The following CSNK1D variants were observed in gnomAD, a reference collection of about 807,000 sequenced individuals.
CSNK1D encodes casein kinase I isoform delta.
In CSNK1D, 16 loss-of-function variants were observed where a neutral mutation model predicts 46.6. The observed-to-expected ratio is 0.34, with a 90% confidence interval of 0.23 to 0.52. The LOEUF is 0.52. CSNK1D is among the 20% of genes least tolerant of loss of function. CSNK1D has a pLI of 0.95. For synonymous variants in CSNK1D, 276 were observed against 228.2 expected (o/e 1.21, Z -1.89); for missense variants, 398 against 578.4 (o/e 0.69, Z 3.20).
chr17:82,269,096 TAAAAAAAAAAA>T (rs766007194), intron 1 of CSNK1D, among the ~76,000 whole-genome samples: 7 of 105,380 alleles, frequency 6.6e-5, no homozygotes, highest in East Asian at 2.6e-4. Flanking sequence ...TACTTTGTCT[TAAAAAAAAAAA>T]AAAAAAAAAA....
chr17:82,272,502 A>G (rs1305460258), intron 1 of CSNK1D, among the ~76,000 whole-genome samples: 1 of 152,218 alleles, frequency 6.6e-6, no homozygotes, highest in Non-Finnish European at 1.5e-5. Context: ...AGTCTAAAGG[A>G]CACCTCATGA....
At position 82,249,898 on chromosome 17, in the gene CSNK1D, C is replaced by T; in HGVS notation, c.886-296G>A. On this transcript the variant is annotated intron_variant, in intron 6 of 8. Transcript: ENST00000314028. The surrounding 1 kb of genome is among the most constrained non-coding windows in gnomAD (Gnocchi z 6.7). ...CTTCCAAATGGGCAGCAGCTACCCC[C>T]TGCTGCTCTGTGAACATGCTCACTA... 7 of 1,366,358 alleles carry T rather than the reference C, an allele frequency of 5.1e-6. No individual in the cohort carries two copies. The highest frequency in any genetic ancestry group is 6.6e-6 in the Non-Finnish European group (7 of 1,055,430). 84.6% of individuals were successfully genotyped at this position (1,366,358 alleles called of 1,614,324 possible).
At chr17:82,253,430 T>C in intron 3 of CSNK1D, 186 bp from the exon 4 acceptor site, 1 of 632,274 alleles carries the variant, frequency 1.6e-6, no homozygotes, top group Non-Finnish European at 2.9e-6. Context: ...GCAGCAACCC[T>C]CCACACTCCA....
At position 82,249,659 on chromosome 17, in the gene CSNK1D, A is replaced by G; in HGVS notation, c.886-57T>C. 6.5e-7 allele frequency: 1 copy of G among 1,540,386 alleles called. No homozygotes were observed. The highest frequency in any genetic ancestry group is 1.4e-5 in the African/African-American group (1 of 73,618). ...ACCAGCTTTGGCAGAAAGCAACCCT[A>G]GGTCCTAGGCTGCCCCGGCCACGTG... is the stretch of plus-strand genomic sequence containing the variant. On this transcript the variant is annotated intron_variant, in intron 6 of 8. Coordinates refer to ENST00000314028, the MANE Select transcript of CSNK1D (RefSeq NM_001893.6). This position sits in a 1 kb window ranked among gnomAD's most constrained non-coding sequence, Gnocchi z 6.7.
chr17:82,243,773 G>A lies in CSNK1D; in HGVS notation c.*1008C>T, dbSNP rs1363136079. 1 of 985,354 alleles carries A rather than the reference G, an allele frequency of 1.0e-6. No homozygotes were observed. Among genetic ancestry groups the A allele is most frequent in the African/African-American group, 1.7e-5 (1 of 57,232 alleles). The allele number at this position is 985,354 out of a possible 1,614,324, so 61.0% of individuals were successfully genotyped here. A position where few individuals can be genotyped will look rare whatever the true frequency, so the allele number is the denominator to read the frequency against. ...GCCAATCCGCACAGGAGCATTGAGT[G>A]CTGAGAAAATGGACTGAGTGCAAAG... On this transcript the variant is annotated 3_prime_UTR_variant, in exon 9 of 9. Transcript: ENST00000314028.
chr17:82,246,107 A>G, intron 8 of CSNK1D: 5 of 1,560,344 alleles, frequency 3.2e-6, no homozygotes, highest in Non-Finnish European at 4.3e-6. Context: ...TGTCGGCTCC[A>G]TGTCCAGATG....
chr17:82,248,348 G>A lies in CSNK1D; in HGVS notation c.1197+527C>T. 1.0e-6 allele frequency: 1 copy of A among 999,800 alleles called. No individual in the cohort carries two copies. Among genetic ancestry groups the A allele is most frequent in the Non-Finnish European group, 1.2e-6 (1 of 837,656 alleles). The allele number at this position is 999,800 out of a possible 1,614,324, so 61.9% of individuals were successfully genotyped here. ...TGGCTAGGCCTGGGCTGCGCAACAG[G>A]GTACTTCTCGTCCAAGGGAAGACAG... On this transcript the variant is annotated intron_variant, in intron 8 of 8. Transcript: ENST00000314028. This position sits in a 1 kb window ranked among gnomAD's most constrained non-coding sequence, Gnocchi z 4.1.
In CSNK1D at chr17:82,242,713, T is replaced by C; in HGVS notation, c.*2068A>G. 1 of 985,426 alleles carries C rather than the reference T, an allele frequency of 1.0e-6. No individual in the cohort carries two copies. The highest frequency in any genetic ancestry group is 4.7e-5 in the South Asian group (1 of 21,294). The allele number at this position is 985,426 out of a possible 1,614,324, so 61.0% of individuals were successfully genotyped here. A position where few individuals can be genotyped will look rare whatever the true frequency, so the allele number is the denominator to read the frequency against. The stretch of plus-strand genomic sequence containing the variant: ...TTTATTATTTACACGATTGTTAAAG[T>C]ACACAAATACAGTGGCGATACAAAC... On this transcript the variant is annotated 3_prime_UTR_variant, in exon 9 of 9. Transcript: ENST00000314028.
At chr17:82,245,212 G>C (rs953619455) in intron 8 of CSNK1D, 54 of 402,024 alleles carry the variant, frequency 1.3e-4, no homozygotes, top group Admixed American at 8.2e-4. Context: ...CATTTCCAGA[G>C]TGTGCACAGT....
At chr17:82,239,978 A>T (rs1317402557), downstream of CSNK1D, 1 of 1,233,130 alleles carries the variant, frequency 8.1e-7, no homozygotes, top group Non-Finnish European at 1.0e-6. Context: ...CGGGGCCCTC[A>T]GTAGGTGCGT....
At position 82,273,472 on chromosome 17, in the gene CSNK1D, T is replaced by G; in HGVS notation, c.-91A>C. The stretch of plus-strand genomic sequence containing the variant: ...GCGCCGCTGCTGCCGCTACTGCGGG[T>G]CCGGCTCCCGGCTCCGCCCCCCTCA... On this transcript the variant is annotated 5_prime_UTR_variant, in exon 1 of 9. Coordinates refer to ENST00000314028, the MANE Select transcript of CSNK1D (RefSeq NM_001893.6). The surrounding 1 kb of genome is among the most constrained non-coding windows in gnomAD (Gnocchi z 5.1). 1 of 1,502,332 alleles carries G rather than the reference T, an allele frequency of 6.7e-7. No homozygotes were observed. Among genetic ancestry groups the G allele is most frequent in the Non-Finnish European group, 9.1e-7 (1 of 1,101,604 alleles). The allele number at this position is 1,502,332 out of a possible 1,614,324, so 93.1% of individuals were successfully genotyped here.
Position 82,273,684 on chromosome 17 carries a change from C to T in CSNK1D, c.-303G>A, listed in dbSNP as rs1487735711. 3 of 499,672 alleles carry T rather than the reference C, an allele frequency of 6.0e-6. No individual in the cohort carries two copies. Among genetic ancestry groups the T allele is most frequent in the Non-Finnish European group, 7.0e-6 (2 of 286,156 alleles). 31.0% of individuals were successfully genotyped at this position (499,672 alleles called of 1,614,324 possible). On this transcript the variant is annotated 5_prime_UTR_variant, in exon 1 of 9. Coordinates refer to ENST00000314028, the MANE Select transcript of CSNK1D (RefSeq NM_001893.6). The surrounding 1 kb of genome is among the most constrained non-coding windows in gnomAD (Gnocchi z 5.1). ...TCCCCTTTCAGCTGCCTAAAGGAGC[C>T]GCCGCCATCGCGCTGTGACGTCACT...
At position 82,248,088 on chromosome 17, in the gene CSNK1D, G is replaced by A. The variant is rs890321019; in HGVS notation, c.1197+787C>T. 8 of 985,314 alleles carry A rather than the reference G, an allele frequency of 8.1e-6. No individual in the cohort carries two copies. Among genetic ancestry groups the A allele is most frequent in the Admixed American group, 1.2e-4 (2 of 16,264 alleles). 61.0% of individuals were successfully genotyped at this position (985,314 alleles called of 1,614,324 possible). ...TTCTGAACTGAGTTCCTGCTCATCCGGAAGACCCGTGGGGGATCTGGGCAC... is the reference window on the plus strand; with the variant it reads ...TTCTGAACTGAGTTCCTGCTCATCCAGAAGACCCGTGGGGGATCTGGGCAC... On this transcript the variant is annotated intron_variant, in intron 8 of 8. Transcript: ENST00000314028. The surrounding 1 kb of genome is among the most constrained non-coding windows in gnomAD (Gnocchi z 4.1).
Position 82,249,819 on chromosome 17 carries a change from C to T in CSNK1D, c.886-217G>A, listed in dbSNP as rs761141909. The stretch of plus-strand genomic sequence containing the variant: ...CAGGCCTCTCAGCTCCCCCAACAAT[C>T]GAAAAAACCCCACTCGCCATGGCAT... On this transcript the variant is annotated intron_variant, in intron 6 of 8. Coordinates refer to ENST00000314028, the MANE Select transcript of CSNK1D (RefSeq NM_001893.6). This position sits in a 1 kb window ranked among gnomAD's most constrained non-coding sequence, Gnocchi z 6.7. 213 of 1,432,888 alleles carry T rather than the reference C, an allele frequency of 1.5e-4. No homozygotes were observed. Among genetic ancestry groups the T allele is most frequent in the Middle Eastern group, 2.6e-4 (1 of 3,890 alleles). The allele number at this position is 1,432,888 out of a possible 1,614,324, so 88.8% of individuals were successfully genotyped here.
Position 82,244,627 on chromosome 17 carries a change from G to A in CSNK1D, c.*154C>T. The A allele has an allele frequency of 6.5e-7, 1 of 1,536,654 alleles. No homozygotes were observed. Among genetic ancestry groups the A allele is most frequent in the Non-Finnish European group, 8.7e-7 (1 of 1,146,606 alleles). ...CTCTTGGAGTCTGTCCGTTTAGTATGTTTCCCCCACGAGCGTCGCTGGGTG... is the reference window on the plus strand; with the variant it reads ...CTCTTGGAGTCTGTCCGTTTAGTATATTTCCCCCACGAGCGTCGCTGGGTG... On this transcript the variant is annotated 3_prime_UTR_variant, in exon 9 of 9. Transcript: ENST00000314028.
intron 2 of CSNK1D, among the ~76,000 whole-genome samples, chr17:82,259,649 G>A (rs1303479384): frequency 6.6e-6 from 1 of 152,228 alleles, no homozygotes; most frequent in African/African-American, 2.4e-5. Flanking sequence ...CAAAAGCACT[G>A]TCCCTAACAG....
In CSNK1D at chr17:82,249,442, G is replaced by A. The variant is rs1242656044; in HGVS notation, c.1046C>T (p.Thr349Ile). Residue 349 changes from threonine to isoleucine, a missense_variant, in exon 7 of 9, where the codon ACC (threonine) becomes ATC (isoleucine). This residue lies in a region of CSNK1D where 181 missense variants were observed against 208.0 expected (regional missense o/e 0.87). Coordinates refer to ENST00000314028, the MANE Select transcript of CSNK1D (RefSeq NM_001893.6). This position sits in a 1 kb window ranked among gnomAD's most constrained non-coding sequence, Gnocchi z 6.7. ...EVAPPTPLTP[T>I]SHTANTSPRP... ...AGGGGGGCACTCACCCGTGTGTGAG[G>A]TAGGGGTGAGGGGTGTGGGGGGAGC... 6.5e-7 allele frequency: 1 copy of A among 1,537,568 alleles called. No homozygotes were observed. The highest frequency in any genetic ancestry group is 2.4e-5 in the East Asian group (1 of 40,890).
At position 82,244,725 on chromosome 17, in the gene CSNK1D, G is replaced by C; in HGVS notation, c.*56C>G. On this transcript the variant is annotated 3_prime_UTR_variant, in exon 9 of 9. Coordinates refer to ENST00000314028, the MANE Select transcript of CSNK1D (RefSeq NM_001893.6). ...GGACGTGTCACTAGTAAAGCCATTG[G>C]TAACAGAGTAGATCAGCCATGCATT... 2 of 1,613,146 alleles carry C rather than the reference G, an allele frequency of 1.2e-6. No homozygotes were observed. Among genetic ancestry groups the C allele is most frequent in the East Asian group, 2.2e-5 (1 of 44,876 alleles).
Position 82,244,569 on chromosome 17 carries a change from T to G in CSNK1D, c.*212A>C. ...CAGCCCCGTTACAACCGAGTTCACG[T>G]GGGGGGCCGCAGTGCAGCCCCAGCG... is the stretch of plus-strand genomic sequence containing the variant. On this transcript the variant is annotated 3_prime_UTR_variant, in exon 9 of 9. Transcript: ENST00000314028. 2 of 1,489,310 alleles carry G rather than the reference T, an allele frequency of 1.3e-6. No homozygotes were observed. Among genetic ancestry groups the G allele is most frequent in the Non-Finnish European group, 1.8e-6 (2 of 1,119,838 alleles). The allele number at this position is 1,489,310 out of a possible 1,614,324, so 92.3% of individuals were successfully genotyped here. A position where few individuals can be genotyped will look rare whatever the true frequency, so the allele number is the denominator to read the frequency against.
Sources: gnomAD v4.1 joint callset for allele counts (sites outside exome capture counted in the v4.1 genomes callset) on GRCh38, gnomAD v4.1.1 for gene constraint, gnomAD v4.1.1 regional missense constraint, Gnocchi (gnomAD v3.1) non-coding constraint, MANE v1.5 for transcripts, NCBI Gene and HGNC (gene_info 2026-07-23, HGNC 2026-07-21) for gene names.